Variants in GPLD1 observed in about 807,000 individuals in gnomAD.
GPLD1 encodes the protein glycosylphosphatidylinositol specific phospholipase D1.
In GPLD1, 84 loss-of-function variants were observed where a neutral mutation model predicts 112.6. The observed-to-expected ratio is 0.75, with a 90% CI of 0.63 to 0.89. The LOEUF is 0.89. Ranked by LOEUF, GPLD1 falls within the 40% of genes least tolerant of loss-of-function variation. The pLI, the probability that GPLD1 is intolerant of heterozygous loss-of-function variation, is 0.00. For missense variants in GPLD1, 1,044 were observed against 1,051.5 expected (o/e 0.99, Z 0.10); for synonymous variants, 386 against 403.8 (o/e 0.96, Z 0.53).
At chr6:24,471,645 G>A (rs1328337653) in intron 7 of GPLD1, among the ~76,000 whole-genome samples, 1 of 152,146 alleles carries the variant, frequency 6.6e-6, no homozygotes, top group East Asian at 1.9e-4. Context: ...AAGACATAAA[G>A]CTAAGATATA....
chr6:24,432,763 T>C (rs1361168588), intron 24 of GPLD1, among the ~76,000 whole-genome samples: 1 of 152,226 alleles, frequency 6.6e-6, no homozygotes, highest in African/African-American at 2.4e-5. Context: ...AACCAGTCAG[T>C]TCTGCCACGG....
At chr6:24,476,734 G>A (rs941839091) in intron 3 of GPLD1, among the ~76,000 whole-genome samples, 3 of 152,200 alleles carry the variant, frequency 2.0e-5, no homozygotes, top group Admixed American at 2.0e-4. Context: ...TCAAGCATTT[G>A]ATTTTATAAT....
At position 24,467,223 on chromosome 6, in the gene GPLD1, TCG is replaced by T. The variant is rs1203451339; in HGVS notation, c.595_596del (p.Arg199LysfsTer10). 2 of 1,609,312 alleles carry T rather than the reference TCG, an allele frequency of 1.2e-6. No homozygotes were observed. The highest frequency in any genetic ancestry group is 1.7e-6 in the Non-Finnish European group (2 of 1,175,598). ...CGATTACATTTTCGGTGATGACTTT[TCG>T]ACCATACAGTTTCTCATAAATTCCC... ...LLGIYEKLYG[R>X]KVITENVIVD... On this transcript the variant is annotated frameshift_variant, in exon 8 of 25. Transcript: ENST00000230036. LOFTEE classifies it high-confidence loss of function.
chr6:24,440,774 T>A (rs958513455), intron 20 of GPLD1, among the ~76,000 whole-genome samples: 2 of 151,734 alleles, frequency 1.3e-5, no homozygotes, highest in Admixed American at 1.3e-4. Context: ...TATATATATT[T>A]CTTTCTGGAA....
At chr6:24,474,770 T>C (rs1247218882) in intron 5 of GPLD1, among the ~76,000 whole-genome samples, 1 of 151,958 alleles carries the variant, frequency 6.6e-6, no homozygotes, top group African/African-American at 2.4e-5. Flanking sequence ...TGAGACCCCG[T>C]CTCTACTAAA....
intron 11 of GPLD1, among the ~76,000 whole-genome samples, chr6:24,462,050 CAATA>C (rs1436747467): frequency 3.1e-4 from 47 of 152,274 alleles, no homozygotes; most frequent in Admixed American, 1.3e-3. Flanking sequence ...ACTGTCTCAT[CAATA>C]AATAAATTTT....
intron 3 of GPLD1, among the ~76,000 whole-genome samples, chr6:24,476,491 A>C (rs575871079): frequency 6.6e-6 from 1 of 152,186 alleles, no homozygotes; most frequent in South Asian, 2.1e-4. Context: ...TGATGACTAA[A>C]AAGAGCCCTA....
At chr6:24,465,819 A>T (rs894260258) in intron 10 of GPLD1, among the ~76,000 whole-genome samples, 1 of 152,306 alleles carries the variant, frequency 6.6e-6, no homozygotes, top group African/African-American at 2.4e-5. Context: ...ATTTCAACAG[A>T]ATGTTTTACA....
At chr6:24,472,868 T>C (rs1219886863) in intron 6 of GPLD1, among the ~76,000 whole-genome samples, 2 of 151,788 alleles carry the variant, frequency 1.3e-5, no homozygotes, top group East Asian at 1.9e-4. Context: ...CTCCGCCTCC[T>C]GGGTTCAAGC....
At chr6:24,495,066 C>T in exon 1 of GPLD1, 3 of 1,337,578 alleles carry the variant, frequency 2.2e-6, no homozygotes, top group Non-Finnish European at 2.9e-6. Context: ...AGGCTGCCGC[C>T]TCCGCCCCCG....
At chr6:24,432,851 C>A (rs569511076) in intron 24 of GPLD1, among the ~76,000 whole-genome samples, 3 of 152,336 alleles carry the variant, frequency 2.0e-5, no homozygotes, top group Admixed American at 2.0e-4. Context: ...GGCGCTGAAA[C>A]TGCACTGCCG....
chr6:24,495,246 G>A (rs1034294766), upstream of GPLD1: 3 of 1,524,542 alleles, frequency 2.0e-6, no homozygotes, highest in Non-Finnish European at 1.7e-6. Flanking sequence ...CCCGGCCAGC[G>A]GCGCCGCTCT....
intron 1 of GPLD1, among the ~76,000 whole-genome samples, chr6:24,486,678 C>T (rs1764387179): frequency 6.6e-6 from 1 of 152,052 alleles, no homozygotes; most frequent in East Asian, 1.9e-4. Flanking sequence ...ATTAGCCAGG[C>T]ATGGTGGCGC....
intron 7 of GPLD1, among the ~76,000 whole-genome samples, chr6:24,472,183 G>A (rs1763847367): frequency 6.6e-6 from 1 of 152,078 alleles, no homozygotes; most frequent in African/African-American, 2.4e-5. Context: ...CCATAAAATA[G>A]AAGAAAAGTG....
At position 24,476,198 on chromosome 6, in the gene GPLD1, G is replaced by A. The variant is rs1028842507; in HGVS notation, c.313C>T (p.Pro105Ser). Residue 105 changes from proline to serine, a missense_variant, in exon 4 of 25, where the codon CCC (proline) becomes TCC (serine). Pro to Ser is a moderately conservative substitution (Grantham distance 74, BLOSUM62 -1). Coordinates refer to ENST00000230036, the MANE Select transcript of GPLD1 (RefSeq NM_001503.4). ...ACGCCTACCTTCTCCCAGGGAAGGG[G>A]ATAGTTCTCTCGGATATAATGAACG... Reference protein sequence around the residue: ...ASVHYIRENYPLPWEKDTEKL... With the variant: ...ASVHYIRENYSLPWEKDTEKL... 4.5e-6 allele frequency: 7 copies of A among 1,552,164 alleles called. No individual in the cohort carries two copies. The Admixed American group carries it at 1.3e-4, about 28-fold the overall frequency.
chr6:24,479,192 G>C (rs927842733), intron 3 of GPLD1, among the ~76,000 whole-genome samples: 1 of 151,802 alleles, frequency 6.6e-6, no homozygotes, highest in African/African-American at 2.4e-5. Context: ...CCTCCAACTA[G>C]AGACATTCCA....
At chr6:24,462,702 T>C (rs373697026) in intron 11 of GPLD1, 28 bp downstream of exon 11, 8 of 1,517,204 alleles carry the variant, frequency 5.3e-6, no homozygotes, top group Non-Finnish European at 7.3e-6. Flanking sequence ...ATGTACTTTT[T>C]CTATGAACAA....
intron 20 of GPLD1, 58 bp from the exon 21 acceptor site, chr6:24,437,347 G>C: frequency 6.8e-7 from 1 of 1,478,432 alleles, no homozygotes; most frequent in Non-Finnish European, 9.3e-7. Flanking sequence ...ACAGAACACG[G>C]AATAGCACCC....
intron 22 of GPLD1, among the ~76,000 whole-genome samples, chr6:24,434,833 G>A (rs1231198640): frequency 8.7e-4 from 85 of 97,596 alleles, no homozygotes; most frequent in African/African-American, 4.9e-3. Flanking sequence ...GCGAGACTCC[G>A]TCTCAAAAAA....
Sources: allele counts gnomAD v4.1 joint callset (sites outside exome capture counted in the v4.1 genomes callset), GRCh38; gene constraint gnomAD v4.1.1; transcripts MANE v1.5; gene names NCBI Gene and HGNC (gene_info 2026-07-23, HGNC 2026-07-21).